Variants in ANTXR1 observed in about 807,000 individuals in gnomAD.
The protein encoded by ANTXR1 is ANTXR cell adhesion molecule 1, also known as anthrax toxin receptor 1.
ANTXR1 carries 19 observed loss-of-function variants against 78.1 expected under a neutral mutation model. That is an observed-to-expected ratio of 0.24 (90% CI 0.17 to 0.36). The LOEUF is 0.36. Ranked by LOEUF, ANTXR1 falls within the 10% of genes least tolerant of loss-of-function variation. The probability of loss-of-function intolerance (pLI) is 1.00; values close to 1 mark genes in which losing one functional copy is unlikely to be tolerated. For synonymous variants in ANTXR1, 273 were observed against 260.5 expected (o/e 1.05, Z -0.46); for missense variants, 518 against 718.6 (o/e 0.72, Z 3.19).
intron 17 of ANTXR1, among the ~76,000 whole-genome samples, chr2:69,235,101 G>A (rs1374090500): frequency 3.9e-5 from 5 of 127,826 alleles, no homozygotes; most frequent in Non-Finnish European, 6.3e-5. Flanking sequence ...TTGGCTCACC[G>A]CAACCTCCAC....
intron 17 of ANTXR1, among the ~76,000 whole-genome samples, chr2:69,197,996 C>T (rs977235316): frequency 2.6e-5 from 4 of 152,074 alleles, no homozygotes; most frequent in African/African-American, 9.7e-5. Context: ...TTTTAATGAC[C>T]ATGTCATATT....
At chr2:69,086,422 A>G (rs1476799737) in intron 8 of ANTXR1, among the ~76,000 whole-genome samples, 2 of 152,252 alleles carry the variant, frequency 1.3e-5, no homozygotes, top group East Asian at 1.9e-4. Context: ...GTTCTTGTAC[A>G]TCCGCTGCCT....
chr2:69,237,323 T>C (rs1169151347), intron 17 of ANTXR1, among the ~76,000 whole-genome samples: 2 of 152,210 alleles, frequency 1.3e-5, no homozygotes, highest in East Asian at 1.9e-4. Flanking sequence ...CAGGCTATTA[T>C]GAGATTTATA....
intron 12 of ANTXR1, among the ~76,000 whole-genome samples, chr2:69,131,476 G>A (rs1672743616): frequency 6.6e-6 from 1 of 152,178 alleles, no homozygotes; most frequent in Non-Finnish European, 1.5e-5. Context: ...GCCATATAGA[G>A]GTAGTTTATA....
intron 1 of ANTXR1, among the ~76,000 whole-genome samples, chr2:69,023,059 C>T (rs543293169): frequency 6.6e-6 from 1 of 152,320 alleles, no homozygotes; most frequent in African/African-American, 2.4e-5. Context: ...TTAAGAAGGC[C>T]ACCTTCGGAA....
intron 12 of ANTXR1, among the ~76,000 whole-genome samples, chr2:69,132,340 G>A (rs576223843): frequency 1.8e-4 from 27 of 152,294 alleles, no homozygotes; most frequent in African/African-American, 4.1e-4. Flanking sequence ...ACCATCCCCC[G>A]CACAGTCTTT....
intron 5 of ANTXR1, 147 bp downstream of exon 5, chr2:69,071,934 A>G: frequency 1.3e-6 from 1 of 791,098 alleles, no homozygotes. Flanking sequence ...ACAAACAAGG[A>G]ATGCATAGAA....
chr2:69,141,726 A>T (rs1470534214), intron 12 of ANTXR1, among the ~76,000 whole-genome samples: 1 of 152,254 alleles, frequency 6.6e-6, no homozygotes, highest in Non-Finnish European at 1.5e-5. Flanking sequence ...TTAACTGTGT[A>T]CATTGACTTT....
intron 12 of ANTXR1, among the ~76,000 whole-genome samples, chr2:69,151,111 T>C (rs1298995005): frequency 6.6e-6 from 1 of 152,082 alleles, no homozygotes; most frequent in Non-Finnish European, 1.5e-5. Flanking sequence ...ATTATTTAAC[T>C]TTCCCCAATT....
rs74503487 is a variant in ANTXR1 at position 69,152,787 on chromosome 2, A to C, written c.1047+523A>C. On this transcript the variant is annotated intron_variant, in intron 13 of 17. Transcript: ENST00000303714. ...TTGATTTTGGCAACTTTTATAGGAC[A>C]CACCTACTGTGTGACCAGCACTGGG... is the stretch of plus-strand genomic sequence containing the variant. Among the ~76,000 whole-genome samples the C allele has an allele frequency of 1.9e-3, 296 of 152,302 alleles. 1 individual carries two copies. Among genetic ancestry groups the C allele is most frequent in the African/African-American group, 6.9e-3 (288 of 41,570 alleles).
rs1479399696 is a variant in ANTXR1 at position 69,032,252 on chromosome 2, G to A, written c.153-7792G>A. On this transcript the variant is annotated intron_variant, in intron 1 of 17. Coordinates refer to ENST00000303714, the MANE Select transcript of ANTXR1 (RefSeq NM_032208.3). ...AGACCATAACCTGTAAATACACAAAGTGAAGATGCTTGGGGAAAAGTCTGA... is the reference window on the plus strand; with the variant it reads ...AGACCATAACCTGTAAATACACAAAATGAAGATGCTTGGGGAAAAGTCTGA... Among the ~76,000 whole-genome samples the A allele has an allele frequency of 2.0e-5, 3 of 152,148 alleles. No individual in the cohort carries two copies. In the East Asian group the frequency reaches 5.8e-4, roughly 29 times the overall value.
intron 3 of ANTXR1, among the ~76,000 whole-genome samples, chr2:69,050,231 A>G (rs1277826751): frequency 2.0e-5 from 3 of 149,434 alleles, no homozygotes; most frequent in African/African-American, 7.3e-5. Flanking sequence ...CATGGGAGGT[A>G]AAGGCTGCAG....
intron 17 of ANTXR1, among the ~76,000 whole-genome samples, chr2:69,199,320 C>T (rs1410837359): frequency 6.6e-6 from 1 of 152,150 alleles, no homozygotes; most frequent in Non-Finnish European, 1.5e-5. Context: ...ACTTTGAAAA[C>T]CAGTAAGATA....
intron 14 of ANTXR1, among the ~76,000 whole-genome samples, chr2:69,178,128 C>A (rs1674180607): frequency 6.6e-6 from 1 of 152,154 alleles, no homozygotes; most frequent in African/African-American, 2.4e-5. Context: ...TGTAAAAATC[C>A]ACCCTCCAGT....
chr2:69,170,624 G>A (rs1343954599), intron 14 of ANTXR1, among the ~76,000 whole-genome samples: 1 of 152,200 alleles, frequency 6.6e-6, no homozygotes, highest in Non-Finnish European at 1.5e-5. Flanking sequence ...CAAACCCTAA[G>A]ATTCTCTTCT....
chr2:69,067,306 CAAA>C (rs58081284), intron 3 of ANTXR1, among the ~76,000 whole-genome samples: 2 of 84,328 alleles, frequency 2.4e-5, no homozygotes, highest in East Asian at 2.9e-4. Flanking sequence ...TGTTCTGGTA[CAAA>C]AAAAAAAAAA....
intron 12 of ANTXR1, among the ~76,000 whole-genome samples, chr2:69,134,030 A>G (rs988416624): frequency 2.6e-5 from 4 of 152,296 alleles, no homozygotes; most frequent in African/African-American, 4.8e-5. Flanking sequence ...TGTGGTCTCT[A>G]TATGAATTTG....
intron 12 of ANTXR1, among the ~76,000 whole-genome samples, chr2:69,129,944 T>C (rs1672680703): frequency 6.6e-6 from 1 of 152,152 alleles, no homozygotes; most frequent in East Asian, 1.9e-4. Flanking sequence ...GGCCATGCCC[T>C]AAAGAGACAC....
chr2:69,142,373 A>G (rs1292406870), intron 12 of ANTXR1, among the ~76,000 whole-genome samples: 1 of 152,278 alleles, frequency 6.6e-6, no homozygotes, highest in Non-Finnish European at 1.5e-5. Flanking sequence ...TCTCACAGGT[A>G]CAAATATGAG....
Sources: gnomAD v4.1 joint callset for allele counts (sites outside exome capture counted in the v4.1 genomes callset) on GRCh38, gnomAD v4.1.1 for gene constraint, MANE v1.5 for transcripts, NCBI Gene and HGNC (gene_info 2026-07-23, HGNC 2026-07-21) for gene names.